PTGER3: variants seen among roughly 807,000 people sequenced by gnomAD.
PTGER3 encodes prostaglandin E2 receptor EP3 subtype.
In PTGER3, 22 loss-of-function variants were observed where a neutral mutation model predicts 34.7. The observed-to-expected ratio is 0.63, with a 90% CI of 0.45 to 0.91. PTGER3 has a LOEUF of 0.91. Among genes scored for constraint, PTGER3 ranks in the 40% least tolerant of loss-of-function variants. The pLI, the probability that PTGER3 is intolerant of heterozygous loss-of-function variation, is 0.00. For synonymous variants in PTGER3, 241 were observed against 230.1 expected (o/e 1.05, Z -0.43); for missense variants, 468 against 519.4 (o/e 0.90, Z 0.96).
At chr1:70,981,550 A>G (rs922208446) in intron 2 of PTGER3, among the ~76,000 whole-genome samples, 7 of 151,778 alleles carry the variant, frequency 4.6e-5, no homozygotes, top group Admixed American at 1.3e-4. Flanking sequence ...CTGGGACTAC[A>G]GGCATGCATC....
At chr1:70,897,560 T>C (rs908613036) in intron 4 of PTGER3, among the ~76,000 whole-genome samples, 2 of 152,138 alleles carry the variant, frequency 1.3e-5, no homozygotes, top group African/African-American at 4.8e-5. Context: ...GTTTCCATTC[T>C]ATCAAGCTGC....
Position 70,998,756 on chromosome 1 carries a change from C to A in PTGER3, c.1077+13549G>T, listed in dbSNP as rs139227135. On this transcript the variant is annotated intron_variant, in intron 2 of 3. Transcript: ENST00000306666. ...TCTGGTAGTTCTGTTTGTGACTTTA[C>A]AGCTAGAGATGAACTGAGGTACTCA... 2.1e-3 allele frequency among the ~76,000 whole-genome samples: 316 copies of A among 152,278 alleles called. 4 individuals carry two copies. Among genetic ancestry groups the A allele is most frequent in the African/African-American group, 7.3e-3 (304 of 41,548 alleles).
intron 2 of PTGER3, chr1:71,008,951 A>C (rs1309351563): frequency 4.1e-6 from 4 of 983,220 alleles, no homozygotes; most frequent in African/African-American, 1.7e-5. Flanking sequence ...TAAATTATGA[A>C]AATAAATAGA....
chr1:70,967,896 A>C (rs963453866), downstream of PTGER3, among the ~76,000 whole-genome samples: 1 of 152,180 alleles, frequency 6.6e-6, no homozygotes, highest in Admixed American at 6.5e-5. Flanking sequence ...TTTATTATGT[A>C]AAAGATAATG....
At chr1:70,955,903 T>G (rs1169111178) in intron 2 of PTGER3, among the ~76,000 whole-genome samples, 1 of 152,154 alleles carries the variant, frequency 6.6e-6, no homozygotes, top group Non-Finnish European at 1.5e-5. Flanking sequence ...AGATTCCAAA[T>G]GTAAACCTGA....
Position 70,986,322 on chromosome 1 carries a change from A to T in PTGER3, c.1078-11934T>A, listed in dbSNP as rs531156664. ...TTCTTAATAAACTTGCTTTCACTTT[A>T]CTCTGTAGACTCACCCTGAAGTCTT... is the stretch of plus-strand genomic sequence containing the variant. On this transcript the variant is annotated intron_variant, in intron 2 of 3. Coordinates refer to ENST00000306666, the MANE Select transcript of PTGER3 (RefSeq NM_198719.2). Among the ~76,000 whole-genome samples, 102 of 152,114 alleles carry T rather than the reference A, an allele frequency of 6.7e-4. 1 individual carries two copies. Among genetic ancestry groups the T allele is most frequent in the Middle Eastern group, 3.4e-3 (1 of 294 alleles).
chr1:71,047,430 C>G lies in PTGER3; in HGVS notation c.148G>C (p.Val50Leu). 1 of 1,611,560 alleles carries G rather than the reference C, an allele frequency of 6.2e-7. No individual in the cohort carries two copies. The highest frequency in any genetic ancestry group is 8.5e-7 in the Non-Finnish European group (1 of 1,179,666). The change falls in exon 1 of 4, where the codon GTG becomes CTG. Residue 50 changes from valine (V) to leucine (L), a missense_variant. Val to Leu is a conservative substitution (Grantham distance 32). Transcript: ENST00000306666. ...ATGGTGATCGGGAAGGCCACGGACA[C>G]CGATCCGCAATCCTCGCCAGACCCT... The part of the protein sequence containing the change: ...PPGSGEDCGS[V>L]SVAFPITMLL...
chr1:70,958,868 G>C (rs597678), intron 2 of PTGER3, among the ~76,000 whole-genome samples: 1 of 151,914 alleles, frequency 6.6e-6, no homozygotes, highest in Admixed American at 6.6e-5. Context: ...GTGAGAGATG[G>C]GGGTCTAGTT....
chr1:70,940,028 A>T (rs1458119137), intron 4 of PTGER3, among the ~76,000 whole-genome samples: 1 of 151,998 alleles, frequency 6.6e-6, no homozygotes, highest in Admixed American at 6.6e-5. Context: ...CTCTTATATA[A>T]CTGAATGGCT....
At chr1:70,970,417 A>G (rs542685560), downstream of PTGER3, among the ~76,000 whole-genome samples, 2 of 152,308 alleles carry the variant, frequency 1.3e-5, no homozygotes, top group South Asian at 4.1e-4. Context: ...CATTTTAAAT[A>G]TAGATTTGGA....
rs114053419 is a variant in PTGER3, at chr1:70,852,591, G to A, written c.*292C>T. On this transcript the variant is annotated 3_prime_UTR_variant, in exon 5 of 5. Coordinates refer to the PTGER3 transcript ENST00000370931. ...AAATTTTACATATGATAATGTATAC[G>A]CAAATATAAATTCACAAAACAATAG... 1.4e-3 allele frequency: 782 copies of A among 540,034 alleles called. 4 individuals carry two copies. The highest frequency in any genetic ancestry group is 0.013 in the African/African-American group (687 of 51,204). 33.5% of individuals were successfully genotyped at this position (540,034 alleles called of 1,614,324 possible). A position where few individuals can be genotyped will look rare whatever the true frequency, so the allele number is the denominator to read the frequency against.
chr1:70,890,993 A>G (rs916178540), intron 4 of PTGER3, among the ~76,000 whole-genome samples: 3 of 152,324 alleles, frequency 2.0e-5, no homozygotes, highest in African/African-American at 7.2e-5. Context: ...TCCTCTCTGG[A>G]ACCTGATTCT....
downstream of PTGER3, among the ~76,000 whole-genome samples, chr1:70,970,170 T>A (rs1374116833): frequency 6.6e-6 from 1 of 152,166 alleles, no homozygotes; most frequent in Non-Finnish European, 1.5e-5. Context: ...TTTGAATTCT[T>A]ACTTATGTTA....
intron 1 of PTGER3, among the ~76,000 whole-genome samples, chr1:71,013,336 T>C (rs1022395439): frequency 2.6e-5 from 4 of 152,252 alleles, no homozygotes; most frequent in Non-Finnish European, 5.9e-5. Flanking sequence ...GAATATATTA[T>C]ACAACACACA....
At chr1:71,046,296 A>AC (rs1182439712) in intron 1 of PTGER3, among the ~76,000 whole-genome samples, 14 of 151,240 alleles carry the variant, frequency 9.3e-5, no homozygotes, top group Admixed American at 2.6e-4. Flanking sequence ...AAAAAAAAAA[A>AC]AAAAAAAAAA....
chr1:70,954,057 GT>G (rs1486473759), intron 2 of PTGER3, among the ~76,000 whole-genome samples: 1 of 152,104 alleles, frequency 6.6e-6, no homozygotes, highest in African/African-American at 2.4e-5. Context: ...TCTCTTCTGT[GT>G]TCAACTCATG....
At chr1:70,948,556 T>C (rs967416677), downstream of PTGER3, among the ~76,000 whole-genome samples, 2 of 152,136 alleles carry the variant, frequency 1.3e-5, no homozygotes, top group Non-Finnish European at 2.9e-5. Context: ...AATGGCTGCA[T>C]ACCAATTTGC....
At chr1:71,009,658 G>A (rs776578874) in intron 2 of PTGER3, 60 of 984,876 alleles carry the variant, frequency 6.1e-5, no homozygotes, top group Non-Finnish European at 7.1e-5. Context: ...CATTTCATTC[G>A]CTTACTTCTT....
intron 1 of PTGER3, among the ~76,000 whole-genome samples, chr1:71,014,313 A>G (rs1424921663): frequency 6.6e-6 from 1 of 152,126 alleles, no homozygotes; most frequent in Non-Finnish European, 1.5e-5. Flanking sequence ...TGATACACTC[A>G]CCCTGGATCA....
Sources: allele counts gnomAD v4.1 joint callset (sites outside exome capture counted in the v4.1 genomes callset), GRCh38; gene constraint gnomAD v4.1.1; transcripts MANE v1.5; gene names NCBI Gene and HGNC (gene_info 2026-07-23, HGNC 2026-07-21).